Variants in ABCC3 observed in about 807,000 individuals in gnomAD.
ABCC3 encodes ATP-binding cassette sub-family C member 3.
ABCC3 carries 121 observed loss-of-function variants against 165.3 expected under a neutral mutation model. The observed-to-expected ratio is 0.73, with a 90% CI of 0.63 to 0.85. The LOEUF (loss-of-function observed/expected upper bound fraction) is 0.85. ABCC3 is among the 40% of genes least tolerant of loss of function. ABCC3 has a pLI of 0.00. For missense variants in ABCC3, 1,869 were observed against 1,964.1 expected (o/e 0.95, Z 0.92); for synonymous variants, 733 against 810.1 (o/e 0.90, Z 1.62).
At position 50,665,211 on chromosome 17, in the gene ABCC3, A is replaced by G. The variant is rs1967495515; in HGVS notation, c.1397A>G (p.Asn466Ser). 6.2e-7 allele frequency: 1 copy of G among 1,614,010 alleles called. No individual in the cohort carries two copies. Among genetic ancestry groups the G allele is most frequent in the African/African-American group, 1.3e-5 (1 of 74,900 alleles). The stretch of plus-strand genomic sequence containing the variant: ...TTCATGGTCTTGCTGATTCCACTCA[A>G]CGGAGCTGTGGCCGTGAAGATGCGC... ...VAFMVLLIPL[N>S]GAVAVKMRAF... Residue 466 changes from asparagine to serine, a missense_variant, in exon 11 of 31, where the codon AAC (asparagine) becomes AGC (serine). Coordinates refer to ENST00000285238, the MANE Select transcript of ABCC3 (RefSeq NM_003786.4).
chr17:50,679,767 G>A (rs748249142), intron 25 of ABCC3, 31 bp from the exon 26 acceptor site: 23 of 1,591,892 alleles, frequency 1.4e-5, no homozygotes, highest in African/African-American at 2.7e-5. Flanking sequence ...AGGGGAGATC[G>A]CCATACGTAT....
At chr17:50,671,912 G>A (rs1302317591) in intron 17 of ABCC3, among the ~76,000 whole-genome samples, 1 of 151,424 alleles carries the variant, frequency 6.6e-6, no homozygotes, top group Non-Finnish European at 1.5e-5. Flanking sequence ...TAGTAGAGAT[G>A]GGTTTCACCA....
In ABCC3 at chr17:50,673,485, C is replaced by T. The variant is rs34675700; in HGVS notation, c.2426C>T (p.Thr809Met). The T allele has an allele frequency of 7.6e-4, 1,229 of 1,614,042 alleles. 3 individuals carry two copies. The highest frequency in any genetic ancestry group is 9.5e-4 in the Non-Finnish European group (1,119 of 1,179,952). ...TCTCCCCAGACGCGAGTGCTGGTGA[C>T]GCACGGCATTAGCTTCCTGCCCCAG... ...VLAGKTRVLVTHGISFLPQTD... is the reference protein window; with the variant it reads ...VLAGKTRVLVMHGISFLPQTD... Residue 809 changes from threonine to methionine, a missense_variant, in exon 19 of 31, where the codon ACG becomes ATG. Coordinates refer to ENST00000285238, the MANE Select transcript of ABCC3 (RefSeq NM_003786.4).
At chr17:50,656,388 T>G (rs918161160) in intron 2 of ABCC3, among the ~76,000 whole-genome samples, 3 of 152,230 alleles carry the variant, frequency 2.0e-5, no homozygotes, top group Admixed American at 2.0e-4. Context: ...ATTCTGGTTT[T>G]AATGAGGCCC....
intron 22 of ABCC3, 47 bp from the exon 23 acceptor site, chr17:50,676,231 C>G (rs1236930807): frequency 6.3e-7 from 1 of 1,590,722 alleles, no homozygotes. Context: ...CCCTTTGTGC[C>G]CGCTCACTAG....
intron 26 of ABCC3, 97 bp from the exon 27 acceptor site, chr17:50,683,513 G>A (rs1244985833): frequency 6.6e-6 from 9 of 1,364,126 alleles, no homozygotes; most frequent in Non-Finnish European, 2.9e-6. Context: ...AGGGACCATA[G>A]TTGGGGAGGA....
chr17:50,689,266 T>C (rs1049355185), intron 30 of ABCC3, among the ~76,000 whole-genome samples: 1 of 152,222 alleles, frequency 6.6e-6, no homozygotes, highest in Admixed American at 6.5e-5. Context: ...AGCCCCTTGC[T>C]CTAATTCTTG....
intron 1 of ABCC3, among the ~76,000 whole-genome samples, chr17:50,638,545 G>A (rs917004920): frequency 1.1e-4 from 16 of 152,290 alleles, no homozygotes; most frequent in African/African-American, 3.9e-4. Context: ...GGGAAGATGC[G>A]GCCAGTGGGG....
At chr17:50,659,629 A>G (rs1394343332) in intron 7 of ABCC3, among the ~76,000 whole-genome samples, 1 of 152,128 alleles carries the variant, frequency 6.6e-6, no homozygotes, top group African/African-American at 2.4e-5. Flanking sequence ...AAGGATATAA[A>G]TAAACTCACT....
chr17:50,656,973 G>A, intron 3 of ABCC3, 73 bp from the exon 4 acceptor site: 1 of 1,567,220 alleles, frequency 6.4e-7, no homozygotes, highest in Non-Finnish European at 8.6e-7. Context: ...TTCTGGCCAT[G>A]TGGGATGGGG....
chr17:50,637,265 GC>G (rs2054189441), intron 1 of ABCC3, among the ~76,000 whole-genome samples: 2 of 152,194 alleles, frequency 1.3e-5, no homozygotes, highest in Non-Finnish European at 2.9e-5. Context: ...TGGGGAAGGA[GC>G]GTGGAGAGAG....
Position 50,678,186 on chromosome 17 carries a change from G to A in ABCC3, c.3672G>A (p.Gly1224=), listed in dbSNP as rs372554197. 22 of 1,539,126 alleles carry A rather than the reference G, an allele frequency of 1.4e-5. No homozygotes were observed. The African/African-American group carries it at 2.5e-4, about 17-fold the overall frequency. ...AVIGRSSLNP[G]LVGLSVSYSL... ...TCGGGAGGAGCAGCCTGAACCCGGGGCTGGTGGGCCTTTCTGTGTCCTACT... is the reference window on the plus strand; with the variant it reads ...TCGGGAGGAGCAGCCTGAACCCGGGACTGGTGGGCCTTTCTGTGTCCTACT... Residue 1224 remains glycine, a synonymous_variant, in exon 25 of 31, where the codon GGG becomes GGA. Transcript: ENST00000285238.
intron 6 of ABCC3, 55 bp downstream of exon 6, chr17:50,658,551 G>C: frequency 6.4e-7 from 1 of 1,567,950 alleles, no homozygotes; most frequent in Admixed American, 1.7e-5. Flanking sequence ...TGGAAGGTGA[G>C]ATGGAGAAAG....
intron 6 of ABCC3, 40 bp from the exon 7 acceptor site, chr17:50,659,197 C>T (rs1451385395): frequency 6.2e-7 from 1 of 1,607,904 alleles, no homozygotes; most frequent in Non-Finnish European, 8.5e-7. Context: ...TAAACCCTGA[C>T]CCTCTGCGGG....
Position 50,655,874 on chromosome 17 carries a change from C to T in ABCC3, c.88C>T (p.Pro30Ser). 5.6e-6 allele frequency: 9 copies of T among 1,614,006 alleles called. No individual in the cohort carries two copies. The highest frequency in any genetic ancestry group is 7.6e-6 in the Non-Finnish European group (9 of 1,179,996). Residue 30 changes from proline (P) to serine (S), a missense_variant, in exon 2 of 31, where the codon CCC (proline) becomes TCC (serine). Coordinates refer to ENST00000285238, the MANE Select transcript of ABCC3 (RefSeq NM_003786.4). ...GCACACAGAAAACCCGGACCTCACT[C>T]CCTGCTTCCAGAACTCCCTGCTGGC... Reference protein sequence around the residue: ...SVHTENPDLTPCFQNSLLAWV... With the variant: ...SVHTENPDLTSCFQNSLLAWV...
chr17:50,634,968 G>A lies in ABCC3; in HGVS notation c.32G>A (p.Gly11Asp), dbSNP rs11568609. The change falls in exon 1 of 31, where the codon GGC becomes GAC. Residue 11 changes from glycine to aspartate, a missense_variant. Physicochemically the swap from Gly to Asp is moderately conservative, Grantham distance 94 (BLOSUM62 -1). Transcript: ENST00000285238. ...GCCCTGTGCGGTTCCGGGGAGCTCGGCTCCAAGTTCTGGGTAAGGCGCGGG... is the reference window on the plus strand; with the variant it reads ...GCCCTGTGCGGTTCCGGGGAGCTCGACTCCAAGTTCTGGGTAAGGCGCGGG... MDALCGSGELGSKFWDSNLSV... is the reference protein window; with the variant it reads MDALCGSGELDSKFWDSNLSV... The A allele has an allele frequency of 2.6e-4, 332 of 1,260,522 alleles. 2 individuals are homozygous for A. The East Asian group carries it at 9.4e-3, about 36-fold the overall frequency. 78.1% of individuals were successfully genotyped at this position (1,260,522 alleles called of 1,614,324 possible).
Position 50,677,867 on chromosome 17 carries a change from C to T in ABCC3, c.3502C>T (p.Arg1168Trp), listed in dbSNP as rs748107210. 11 of 1,614,120 alleles carry T rather than the reference C, an allele frequency of 6.8e-6. No individual in the cohort carries two copies. Among genetic ancestry groups the T allele is most frequent in the South Asian group, 6.6e-5 (6 of 91,070 alleles). The change falls in exon 24 of 31, where the codon CGG becomes TGG. Residue 1168 changes from arginine (R) to tryptophan (W), a missense_variant. Transcript: ENST00000285238. The part of the protein sequence containing the change: ...ASVIRAYNRS[R>W]DFEIISDTKV... The stretch of plus-strand genomic sequence containing the variant: ...TGTCATCCGGGCCTACAACCGCAGC[C>T]GGGATTTTGAGATCATCAGTGATAC...
At chr17:50,642,814 G>A (rs961238636) in intron 1 of ABCC3, among the ~76,000 whole-genome samples, 6 of 152,150 alleles carry the variant, frequency 3.9e-5, no homozygotes, top group African/African-American at 1.2e-4. Flanking sequence ...ATGTCCCCAC[G>A]CCTGGGCTCC....
At chr17:50,665,123 T>A in intron 10 of ABCC3, 30 bp from the exon 11 acceptor site, 2 of 1,596,062 alleles carry the variant, frequency 1.3e-6, no homozygotes, top group Non-Finnish European at 1.7e-6. Context: ...TCTGTCCCTA[T>A]GTGTCATCTA....
Sources: gnomAD v4.1 joint callset for allele counts (sites outside exome capture counted in the v4.1 genomes callset) on GRCh38, gnomAD v4.1.1 for gene constraint, MANE v1.5 for transcripts, NCBI Gene and HGNC (gene_info 2026-07-23, HGNC 2026-07-21) for gene names.